PPP3CA: variants seen among roughly 807,000 people sequenced by gnomAD.
PPP3CA encodes CAM-PRP catalytic subunit.
In PPP3CA, 14 loss-of-function variants were observed where a neutral mutation model predicts 66.5. The observed-to-expected ratio is 0.21, with a 90% CI of 0.14 to 0.33. The LOEUF (loss-of-function observed/expected upper bound fraction) is 0.33. Among genes scored for constraint, PPP3CA ranks in the 10% least tolerant of loss-of-function variants. The pLI is 1.00. For missense variants in PPP3CA, 317 were observed against 639.5 expected (o/e 0.50, Z 5.44); for synonymous variants, 232 against 226.2 (o/e 1.03, Z -0.23).
chr4:101,270,633 A>C (rs930643432), intron 1 of PPP3CA, among the ~76,000 whole-genome samples: 3 of 152,180 alleles, frequency 2.0e-5, no homozygotes, highest in Non-Finnish European at 4.4e-5. Context: ...TCTTCTAGAA[A>C]TGATACATCT....
chr4:101,224,423 T>A (rs1281269604), intron 1 of PPP3CA, among the ~76,000 whole-genome samples: 1 of 151,868 alleles, frequency 6.6e-6, no homozygotes, highest in African/African-American at 2.4e-5. Flanking sequence ...TTTCTTATCA[T>A]TTCTATTAAT....
At chr4:101,318,066 G>GT (rs1339855404) in intron 1 of PPP3CA, among the ~76,000 whole-genome samples, 1 of 152,118 alleles carries the variant, frequency 6.6e-6, no homozygotes, top group Admixed American at 6.5e-5. Flanking sequence ...AGTAAACAAC[G>GT]TATCAAAACA....
intron 1 of PPP3CA, among the ~76,000 whole-genome samples, chr4:101,249,810 T>G (rs1726614748): frequency 1.3e-5 from 2 of 152,152 alleles, no homozygotes; most frequent in African/African-American, 4.8e-5. Context: ...ATGACAAAAC[T>G]AAACTATTCA....
intron 1 of PPP3CA, among the ~76,000 whole-genome samples, chr4:101,329,991 G>A (rs968491111): frequency 6.6e-6 from 1 of 151,996 alleles, no homozygotes; most frequent in African/African-American, 2.4e-5. Flanking sequence ...CTTTCAAATT[G>A]TACTATTTAA....
chr4:101,188,683 C>T (rs561675948), intron 2 of PPP3CA, among the ~76,000 whole-genome samples: 1 of 152,194 alleles, frequency 6.6e-6, no homozygotes, highest in South Asian at 2.1e-4. Flanking sequence ...TTCCCTACCT[C>T]CTCAACAGAC....
At chr4:101,089,159 T>C (rs945992562) in intron 6 of PPP3CA, among the ~76,000 whole-genome samples, 5 of 151,960 alleles carry the variant, frequency 3.3e-5, no homozygotes, top group Non-Finnish European at 7.4e-5. Flanking sequence ...GAACTGGCCA[T>C]AGAGTTTACA....
At chr4:101,218,115 T>C (rs1275233655) in intron 1 of PPP3CA, among the ~76,000 whole-genome samples, 2 of 151,908 alleles carry the variant, frequency 1.3e-5, no homozygotes, top group Non-Finnish European at 1.5e-5. Context: ...ATAAACTTGA[T>C]GGAAGAATAA....
At chr4:101,316,932 G>A (rs1191561230) in intron 1 of PPP3CA, among the ~76,000 whole-genome samples, 1 of 152,160 alleles carries the variant, frequency 6.6e-6, no homozygotes. Context: ...AAGCACTAAT[G>A]AAGAAAGTAC....
chr4:101,088,915 A>G (rs1211712123), intron 6 of PPP3CA, among the ~76,000 whole-genome samples: 3 of 152,214 alleles, frequency 2.0e-5, no homozygotes, highest in Admixed American at 1.3e-4. Context: ...AAAAGCAAAG[A>G]CACCTGTTAG....
intron 2 of PPP3CA, among the ~76,000 whole-genome samples, chr4:101,112,113 G>C (rs1167670960): frequency 6.6e-6 from 1 of 151,900 alleles, no homozygotes; most frequent in African/African-American, 2.4e-5. Context: ...CATTAATTTA[G>C]GTTGTAAACT....
intron 12 of PPP3CA, among the ~76,000 whole-genome samples, chr4:101,030,960 TG>T (rs3840145): frequency 0.74 from 110,468 of 148,992 alleles, 42,479 homozygotes; most frequent in African/African-American, 0.86. Flanking sequence ...CTTTTGTGTG[TG>T]TTTTTTTTTT....
intron 12 of PPP3CA, among the ~76,000 whole-genome samples, chr4:101,029,420 CG>C (rs1465615438): frequency 1.4e-5 from 2 of 145,404 alleles, no homozygotes; most frequent in African/African-American, 2.6e-5. Context: ...GAGCTGGGTA[CG>C]CCTATCTGAA....
intron 2 of PPP3CA, among the ~76,000 whole-genome samples, chr4:101,148,668 A>G (rs1366106915): frequency 6.6e-6 from 1 of 152,172 alleles, no homozygotes; most frequent in Non-Finnish European, 1.5e-5. Context: ...GGATTCCGAT[A>G]GTGCTTTAAG....
Position 101,308,456 on chromosome 4 carries a change from AT to A in PPP3CA, c.58+38282del, listed in dbSNP as rs556109487. Among the ~76,000 whole-genome samples the A allele has an allele frequency of 7.6e-3, 1,148 of 151,530 alleles. 11 individuals carry two copies. Among genetic ancestry groups the A allele is most frequent in the African/African-American group, 0.026 (1,089 of 41,306 alleles). On this transcript the variant is annotated intron_variant, in intron 1 of 13. Transcript: ENST00000394854. ...AATCCCCTTACATGTAATATTTCAG[AT>A]TTTTTTTTCACAGACAAGGTCTCTG...
At chr4:101,185,200 G>A (rs902107435) in intron 2 of PPP3CA, among the ~76,000 whole-genome samples, 6 of 151,868 alleles carry the variant, frequency 4.0e-5, no homozygotes, top group African/African-American at 1.5e-4. Flanking sequence ...CAAGATTTGC[G>A]AGGTAATAAT....
intron 2 of PPP3CA, among the ~76,000 whole-genome samples, chr4:101,111,284 A>C (rs1243234235): frequency 2.0e-5 from 3 of 152,216 alleles, no homozygotes; most frequent in Non-Finnish European, 4.4e-5. Context: ...AACTTCAAGG[A>C]AACAAATTAT....
Position 101,219,962 on chromosome 4 carries a change from T to G in PPP3CA, c.59-23846A>C, listed in dbSNP as rs953612362. On this transcript the variant is annotated intron_variant, in intron 1 of 13. Transcript: ENST00000394854. ...TACTGAACGTCCATAATGATCATTTTCCATGAAGTTAAGTACTTAATCATA... is the reference window on the plus strand; with the variant it reads ...TACTGAACGTCCATAATGATCATTTGCCATGAAGTTAAGTACTTAATCATA... Among the ~76,000 whole-genome samples, 35 of 151,834 alleles carry G rather than the reference T, an allele frequency of 2.3e-4. 1 individual carries two copies. Among genetic ancestry groups the G allele is most frequent in the Non-Finnish European group, 5.9e-5 (4 of 67,810 alleles).
At chr4:101,288,778 C>A (rs566557317) in intron 1 of PPP3CA, among the ~76,000 whole-genome samples, 16 of 151,916 alleles carry the variant, frequency 1.1e-4, no homozygotes, top group South Asian at 4.2e-4. Context: ...TTTTTCCCCC[C>A]AAAAAATGTT....
intron 11 of PPP3CA, 136 bp from the exon 12 acceptor site, chr4:101,032,500 T>A (rs543394457): frequency 3.0e-5 from 20 of 672,796 alleles, no homozygotes; most frequent in Admixed American, 1.4e-4. Context: ...TTTTTTAAAA[T>A]TTTTTTTAAC....
Sources: gnomAD v4.1 joint callset for allele counts (sites outside exome capture counted in the v4.1 genomes callset) on GRCh38, gnomAD v4.1.1 for gene constraint, MANE v1.5 for transcripts, NCBI Gene and HGNC (gene_info 2026-07-23, HGNC 2026-07-21) for gene names.